Variants in CCDC82 observed in about 807,000 individuals in gnomAD.
CCDC82 encodes the protein coiled-coil domain containing 82.
Under a neutral mutation model 60.6 loss-of-function variants are expected in CCDC82, and 47 were observed. The observed-to-expected ratio is 0.77, with a 90% CI of 0.61 to 0.99. The LOEUF (loss-of-function observed/expected upper bound fraction) is 0.99. Among genes scored for constraint, CCDC82 ranks in the 50% least tolerant of loss-of-function variants. CCDC82 has a pLI of 0.00. For missense variants in CCDC82, 588 were observed against 633.0 expected (o/e 0.93, Z 0.76); for synonymous variants, 212 against 207.4 (o/e 1.02, Z -0.19).
intron 5 of CCDC82, chr11:96,381,433 A>C (rs559876914): frequency 7.2e-5 from 11 of 151,900 alleles, no homozygotes; most frequent in African/African-American, 2.6e-4. Flanking sequence ...AAATCATGAG[A>C]TATAAATCAA....
chr11:96,372,028 T>C (rs184400323), intron 6 of CCDC82, among the ~76,000 whole-genome samples: 100 of 152,318 alleles, frequency 6.6e-4, no homozygotes, highest in African/African-American at 2.2e-3. Context: ...TTACCATAGC[T>C]TACAAAGCCC....
intron 8 of CCDC82, among the ~76,000 whole-genome samples, chr11:96,360,026 G>C (rs1265347156): frequency 1.3e-5 from 2 of 150,328 alleles, no homozygotes; most frequent in East Asian, 3.9e-4. Context: ...TTCTCTTTCA[G>C]AATGTTTTGA....
chr11:96,362,070 T>C (rs1196166912), intron 8 of CCDC82, among the ~76,000 whole-genome samples: 1 of 152,152 alleles, frequency 6.6e-6, no homozygotes, highest in East Asian at 1.9e-4. Flanking sequence ...GAGCTAAAAA[T>C]TGTCACTGAA....
chr11:96,353,593 T>C lies in CCDC82; in HGVS notation c.*53A>G. ...GTCACATGATACAGAAAAACAAGAA[T>C]CATGATCTTCACATTTACAGGAATT... On this transcript the variant is annotated 3_prime_UTR_variant, in exon 10 of 10. Transcript: ENST00000646818. The C allele has an allele frequency of 7.9e-7, 1 of 1,268,414 alleles. No homozygotes were observed. 78.6% of individuals were successfully genotyped at this position (1,268,414 alleles called of 1,614,324 possible).
At chr11:96,363,119 C>T (rs189855298) in intron 8 of CCDC82, 2 of 152,076 alleles carry the variant, frequency 1.3e-5, no homozygotes, top group Non-Finnish European at 2.9e-5. Flanking sequence ...CCTCTCTCGG[C>T]TAATTTTTTG....
intron 5 of CCDC82, among the ~76,000 whole-genome samples, chr11:96,377,671 T>C (rs1865660699): frequency 6.6e-6 from 1 of 152,114 alleles, no homozygotes; most frequent in African/African-American, 2.4e-5. Context: ...TCTCTATTGA[T>C]ATATTAATGT....
At position 96,353,565 on chromosome 11, in the gene CCDC82, C is replaced by T; in HGVS notation, c.*81G>A. 2 of 1,058,546 alleles carry T rather than the reference C, an allele frequency of 1.9e-6. No homozygotes were observed. The highest frequency in any genetic ancestry group is 2.9e-6 in the Non-Finnish European group (2 of 690,956). The allele number at this position is 1,058,546 out of a possible 1,614,324, so 65.6% of individuals were successfully genotyped here. On this transcript the variant is annotated 3_prime_UTR_variant, in exon 10 of 10. Coordinates refer to ENST00000646818, the MANE Select transcript of CCDC82 (RefSeq NM_024725.4). ...TGAAGATATAGATAAAATGTACAAA[C>T]ATGTCACATGATACAGAAAAACAAG...
intron 5 of CCDC82, among the ~76,000 whole-genome samples, chr11:96,378,201 T>C (rs1418105697): frequency 6.6e-6 from 1 of 152,012 alleles, no homozygotes; most frequent in Non-Finnish European, 1.5e-5. Flanking sequence ...CTGCTTTCCA[T>C]AGACTTTATT....
chr11:96,366,888 T>C (rs115638653), intron 7 of CCDC82, among the ~76,000 whole-genome samples: 1,815 of 152,318 alleles, frequency 0.012, 31 homozygotes, highest in African/African-American at 0.041. Context: ...AAAGTAAATA[T>C]ATCAATAACG....
chr11:96,367,455 C>A (rs569410467), intron 7 of CCDC82, among the ~76,000 whole-genome samples: 5 of 152,308 alleles, frequency 3.3e-5, no homozygotes, highest in African/African-American at 1.2e-4. Flanking sequence ...TCTCAAGAAA[C>A]CACGTTCTTT....
chr11:96,387,391 A>G lies in CCDC82; in HGVS notation c.-55+139T>C, dbSNP rs556612224. The G allele has an allele frequency of 3.9e-5, 6 of 152,366 alleles. No homozygotes were observed. The East Asian group carries it at 1.2e-3, about 29-fold the overall frequency. 9.4% of individuals were successfully genotyped at this position (152,366 alleles called of 1,614,324 possible). ...CACTATTAAAAACTTATGACTGCACAGTTAAGCCATAAAAGAAACTTTAAG... is the reference window on the plus strand; with the variant it reads ...CACTATTAAAAACTTATGACTGCACGGTTAAGCCATAAAAGAAACTTTAAG... On this transcript the variant is annotated intron_variant, in intron 2 of 9. Transcript: ENST00000646818.
Position 96,359,185 on chromosome 11 carries a change from C to A in CCDC82, c.1381-7G>T. ...TTCTGCCAACAGTGAACACCTAAAT[C>A]AAGAAATAAAGATTGTTATCTGACA... On this transcript the variant is annotated splice_polypyrimidine_tract_variant and splice_region_variant and intron_variant, in intron 8 of 9. Coordinates refer to ENST00000646818, the MANE Select transcript of CCDC82 (RefSeq NM_024725.4). 6.4e-7 allele frequency: 1 copy of A among 1,553,074 alleles called. No homozygotes were observed. Among genetic ancestry groups the A allele is most frequent in the South Asian group, 1.2e-5 (1 of 80,366 alleles).
At position 96,358,226 on chromosome 11, in the gene CCDC82, C is replaced by T. The variant is rs11827187; in HGVS notation, c.1566+767G>A. The T allele has an allele frequency of 3.6e-3, 3,689 of 1,027,164 alleles. 105 individuals are homozygous for T. In the African/African-American group the frequency reaches 0.056, roughly 16 times the overall value. 63.6% of individuals were successfully genotyped at this position (1,027,164 alleles called of 1,614,324 possible). A position where few individuals can be genotyped will look rare whatever the true frequency, so the allele number is the denominator to read the frequency against. ...TTGATAAGAGTTGCCTGAAAATCTACTATTTGTTCTCTCTTATACATTCAT... is the reference window on the plus strand; with the variant it reads ...TTGATAAGAGTTGCCTGAAAATCTATTATTTGTTCTCTCTTATACATTCAT... On this transcript the variant is annotated intron_variant, in intron 9 of 9. Transcript: ENST00000646818.
At chr11:96,357,493 A>G (rs1864407802) in intron 9 of CCDC82, 1 of 985,232 alleles carries the variant, frequency 1.0e-6, no homozygotes, top group Non-Finnish European at 1.2e-6. Context: ...TGCATAAAGA[A>G]TAACGTCTTT....
rs188603773 is a variant in CCDC82 at position 96,385,584 on chromosome 11, G to A, written c.-15+670C>T. 3.9e-5 allele frequency: 6 copies of A among 152,188 alleles called. No individual in the cohort carries two copies. In the East Asian group the frequency reaches 1.2e-3, roughly 29 times the overall value. 9.4% of individuals were successfully genotyped at this position (152,188 alleles called of 1,614,324 possible). A position where few individuals can be genotyped will look rare whatever the true frequency, so the allele number is the denominator to read the frequency against. ...CTTTATACCTTAGTAAAATGGGAGT[G>A]GCTTTCCCCTCAAAGTTAAATACAC... On this transcript the variant is annotated intron_variant, in intron 3 of 9. Coordinates refer to ENST00000646818, the MANE Select transcript of CCDC82 (RefSeq NM_024725.4).
intron 5 of CCDC82, among the ~76,000 whole-genome samples, chr11:96,374,181 G>A (rs766275251): frequency 2.0e-5 from 3 of 152,196 alleles, no homozygotes; most frequent in African/African-American, 2.4e-5. Context: ...TGATCCAACA[G>A]TCACTGTAGA....
At chr11:96,381,490 T>A (rs953594704) in intron 5 of CCDC82, 2 of 151,712 alleles carry the variant, frequency 1.3e-5, no homozygotes, top group African/African-American at 4.8e-5. Context: ...TCTGAAATAT[T>A]TGGAAAGAAT....
At chr11:96,357,340 T>C in intron 9 of CCDC82, 1 of 985,238 alleles carries the variant, frequency 1.0e-6, no homozygotes, top group Non-Finnish European at 1.2e-6. Context: ...AAAATGTGTA[T>C]ACTGTCCTAG....
chr11:96,363,464 CTT>C (rs1291521000), intron 8 of CCDC82: 1 of 152,192 alleles, frequency 6.6e-6, no homozygotes. Flanking sequence ...CAATAACTAA[CTT>C]AACGTTTACA....
Sources: allele counts gnomAD v4.1 joint callset (sites outside exome capture counted in the v4.1 genomes callset), GRCh38; gene constraint gnomAD v4.1.1; transcripts MANE v1.5; gene names NCBI Gene and HGNC (gene_info 2026-07-23, HGNC 2026-07-21).